The following PARD3B variants were observed in gnomAD, a reference collection of about 807,000 sequenced individuals.
PARD3B encodes the protein partitioning defective 3 homolog B.
A neutral mutation model predicts 130.2 loss-of-function variants in PARD3B; 103 were observed. The observed-to-expected ratio is 0.79, with a 90% CI of 0.67 to 0.93. The LOEUF is 0.93. Ranked by LOEUF, PARD3B falls within the 40% of genes least tolerant of loss-of-function variation. The pLI is 0.00. For synonymous variants in PARD3B, 583 were observed against 553.2 expected (o/e 1.05, Z -0.76); for missense variants, 1,609 against 1,499.2 (o/e 1.07, Z -1.21).
intron 1 of PARD3B, among the ~76,000 whole-genome samples, chr2:204,573,642 C>T (rs1450505071): frequency 1.3e-5 from 2 of 152,274 alleles, no homozygotes; most frequent in East Asian, 3.9e-4. Context: ...GAGTAAGTTC[C>T]ATGGTTTCTC....
intron 4 of PARD3B, among the ~76,000 whole-genome samples, chr2:205,060,274 G>A (rs561798944): frequency 3.3e-5 from 5 of 152,060 alleles, no homozygotes; most frequent in South Asian, 2.1e-4. Flanking sequence ...AAATGGTGGC[G>A]TTCTATTTGA....
chr2:204,870,745 T>G (rs1043045577), intron 2 of PARD3B, among the ~76,000 whole-genome samples: 3 of 152,174 alleles, frequency 2.0e-5, no homozygotes, highest in Non-Finnish European at 4.4e-5. Flanking sequence ...AATGAGCTGG[T>G]TTTTTAAAGT....
chr2:205,261,725 T>C (rs1481301870), intron 16 of PARD3B, among the ~76,000 whole-genome samples: 1 of 152,200 alleles, frequency 6.6e-6, no homozygotes, highest in African/African-American at 2.4e-5. Context: ...AATGATTCAT[T>C]GTTATTGGAA....
chr2:204,823,710 C>A (rs907861333), intron 2 of PARD3B, among the ~76,000 whole-genome samples: 2 of 152,094 alleles, frequency 1.3e-5, no homozygotes, highest in Non-Finnish European at 2.9e-5. Context: ...AAGGCCAAGG[C>A]GGTTAGATCA....
At chr2:204,892,631 G>A (rs530832841) in intron 2 of PARD3B, among the ~76,000 whole-genome samples, 1 of 152,264 alleles carries the variant, frequency 6.6e-6, no homozygotes, top group East Asian at 1.9e-4. Flanking sequence ...AAAGATATAG[G>A]GGTGGAAGTG....
chr2:205,133,692 C>T (rs1013784880), intron 10 of PARD3B, among the ~76,000 whole-genome samples: 5 of 134,886 alleles, frequency 3.7e-5, no homozygotes, highest in African/African-American at 1.4e-4. Flanking sequence ...TTGAGTTGTG[C>T]CTTTTTGGCT....
chr2:205,236,805 G>A (rs1331397542), intron 15 of PARD3B, among the ~76,000 whole-genome samples: 1 of 152,154 alleles, frequency 6.6e-6, no homozygotes, highest in African/African-American at 2.4e-5. Flanking sequence ...TCACTGATCA[G>A]TCGCAGTGAC....
Position 205,558,999 on chromosome 2 carries a change from C to T in PARD3B, c.3260+5596C>T, listed in dbSNP as rs926306522. On this transcript the variant is annotated intron_variant, in intron 22 of 22. Coordinates refer to ENST00000406610, the MANE Select transcript of PARD3B (RefSeq NM_001302769.2). The surrounding 1 kb of genome is among the most constrained non-coding windows in gnomAD (Gnocchi z 4.8). Reference sequence around the variant, plus strand: ...TGTTTTATACCCATCATTTGTTACACCCAGAACCTAACATAAGGCCATGTA... The same window carrying T: ...TGTTTTATACCCATCATTTGTTACATCCAGAACCTAACATAAGGCCATGTA... Among the ~76,000 whole-genome samples the T allele has an allele frequency of 6.6e-6, 1 of 152,176 alleles. No individual in the cohort carries two copies. The highest frequency in any genetic ancestry group is 1.9e-4 in the East Asian group (1 of 5,190).
At position 205,463,741 on chromosome 2, in the gene PARD3B, T is replaced by C. The variant is rs1042869040; in HGVS notation, c.3044+23069T>C. On this transcript the variant is annotated intron_variant, in intron 20 of 22. Coordinates refer to ENST00000406610, the MANE Select transcript of PARD3B (RefSeq NM_001302769.2). This position sits in a 1 kb window ranked among gnomAD's most constrained non-coding sequence, Gnocchi z 4.8. ...AGTCACTTGCACGCTGAGACTGAAATCCTGAAAGATTGTGGCCTGTTTACT... is the reference window on the plus strand; with the variant it reads ...AGTCACTTGCACGCTGAGACTGAAACCCTGAAAGATTGTGGCCTGTTTACT... Among the ~76,000 whole-genome samples, 1 of 152,172 alleles carries C rather than the reference T, an allele frequency of 6.6e-6. No homozygotes were observed. Among genetic ancestry groups the C allele is most frequent in the Non-Finnish European group, 1.5e-5 (1 of 68,022 alleles).
At chr2:205,306,150 T>C (rs542326319) in intron 18 of PARD3B, among the ~76,000 whole-genome samples, 2 of 152,248 alleles carry the variant, frequency 1.3e-5, no homozygotes, top group East Asian at 3.9e-4. Flanking sequence ...CCAAGGAATG[T>C]AGGCAGCCTC....
At chr2:204,593,612 A>G (rs2033163915) in intron 1 of PARD3B, among the ~76,000 whole-genome samples, 1 of 152,220 alleles carries the variant, frequency 6.6e-6, no homozygotes, top group Admixed American at 6.5e-5. Flanking sequence ...TCAGTAGTTT[A>G]TGAATACTTT....
intron 16 of PARD3B, among the ~76,000 whole-genome samples, chr2:205,266,424 G>C (rs2040506945): frequency 6.6e-6 from 1 of 152,092 alleles, no homozygotes; most frequent in Non-Finnish European, 1.5e-5. Context: ...AAACATTATA[G>C]GTCAAAAATA....
At chr2:205,570,409 G>C (rs942624983) in intron 22 of PARD3B, among the ~76,000 whole-genome samples, 1 of 152,170 alleles carries the variant, frequency 6.6e-6, no homozygotes, top group Non-Finnish European at 1.5e-5. Context: ...CCTTCACAGA[G>C]ATTATTTCAT....
chr2:205,194,011 ACAT>A (rs2036538214), intron 15 of PARD3B, among the ~76,000 whole-genome samples: 2 of 152,170 alleles, frequency 1.3e-5, no homozygotes, highest in African/African-American at 4.8e-5. Flanking sequence ...AAGCCTTGGG[ACAT>A]CTCAGATACC....
intron 21 of PARD3B, among the ~76,000 whole-genome samples, chr2:205,523,209 ATGTGTGTG>A (rs36030743): frequency 0.1 from 14,769 of 141,336 alleles, 779 homozygotes; most frequent in Non-Finnish European, 0.12. Context: ...CGTGTACTAT[ATGTGTGTG>A]TGTGTGTGTA....
chr2:204,939,252 A>AC (rs1306514758), intron 2 of PARD3B, among the ~76,000 whole-genome samples: 2 of 152,112 alleles, frequency 1.3e-5, no homozygotes, highest in Non-Finnish European at 2.9e-5. Context: ...ATTAGTTATC[A>AC]CCCCCACCTC....
At position 205,087,697 on chromosome 2, in the gene PARD3B, G is replaced by A. The variant is rs138524900; in HGVS notation, c.505-16729G>A. Among the ~76,000 whole-genome samples the A allele has an allele frequency of 2.4e-3, 370 of 152,274 alleles. 4 individuals are homozygous for A. Among genetic ancestry groups the A allele is most frequent in the African/African-American group, 8.7e-3 (361 of 41,556 alleles). On this transcript the variant is annotated intron_variant, in intron 4 of 22. Coordinates refer to ENST00000406610, the MANE Select transcript of PARD3B (RefSeq NM_001302769.2). ...AAAAGTAAAAAGTCTATGAAGAGTGGTGGTTTGAATTGGGCAATCAACCTG... is the reference window on the plus strand; with the variant it reads ...AAAAGTAAAAAGTCTATGAAGAGTGATGGTTTGAATTGGGCAATCAACCTG...
rs2055534220 is a variant in PARD3B at position 205,619,503 on chromosome 2, T to C, written c.*3690T>C. ...AACAGAAAGACTGGTCTTAGTGCAA[T>C]TAGGCAGGAGGGATTTGGACTCAGA... On this transcript the variant is annotated 3_prime_UTR_variant, in exon 23 of 23. Coordinates refer to ENST00000406610, the MANE Select transcript of PARD3B (RefSeq NM_001302769.2). 6.6e-6 allele frequency: 1 copy of C among 152,148 alleles called. No individual in the cohort carries two copies. The highest frequency in any genetic ancestry group is 2.4e-5 in the African/African-American group (1 of 41,440). 9.4% of individuals were successfully genotyped at this position (152,148 alleles called of 1,614,324 possible).
At chr2:204,609,181 T>C (rs1471648195) in intron 1 of PARD3B, among the ~76,000 whole-genome samples, 1 of 152,202 alleles carries the variant, frequency 6.6e-6, no homozygotes, top group Non-Finnish European at 1.5e-5. Context: ...TAAAATTAAG[T>C]CTTTGAGTGT....
Sources: gnomAD v4.1 joint callset for allele counts (sites outside exome capture counted in the v4.1 genomes callset) on GRCh38, gnomAD v4.1.1 for gene constraint, Gnocchi (gnomAD v3.1) non-coding constraint, MANE v1.5 for transcripts, NCBI Gene and HGNC (gene_info 2026-07-23, HGNC 2026-07-21) for gene names.